The following LHFPL3 variants were observed in gnomAD, a reference collection of about 807,000 sequenced individuals.
LHFPL3 encodes LHFPL tetraspan subfamily member 3 protein.
LHFPL3 carries 5 observed loss-of-function variants against 19.3 expected under a neutral mutation model. That is an observed-to-expected ratio of 0.26 (90% CI 0.14 to 0.54). The LOEUF (loss-of-function observed/expected upper bound fraction) is 0.54, where lower values mean the gene tolerates loss of function less well. Among genes scored for constraint, LHFPL3 ranks in the 20% least tolerant of loss-of-function variants. The probability of loss-of-function intolerance (pLI) is 0.94; values close to 1 mark genes in which losing one functional copy is unlikely to be tolerated. For missense variants in LHFPL3, 249 were observed against 307.4 expected, an observed-to-expected ratio of 0.81 and a Z score of 1.42; for synonymous variants, 133 against 126.2, an observed-to-expected ratio of 1.05 and a Z score of -0.36.
At chr7:104,623,177 G>A (rs10242238) in intron 1 of LHFPL3, among the ~76,000 whole-genome samples, 6,706 of 151,776 alleles carry the variant, frequency 0.044, 169 homozygotes, top group African/African-American at 0.063. Flanking sequence ...TTTGATATCC[G>A]ATTTGCAAGT....
At chr7:104,476,971 A>G (rs1313399467) in intron 1 of LHFPL3, among the ~76,000 whole-genome samples, 4 of 152,034 alleles carry the variant, frequency 2.6e-5, no homozygotes, top group Non-Finnish European at 5.9e-5. Context: ...GCCAATCTCC[A>G]TAGGACAAAA....
chr7:104,853,065 T>C (rs1161156872), intron 2 of LHFPL3, among the ~76,000 whole-genome samples: 1 of 152,210 alleles, frequency 6.6e-6, no homozygotes, highest in Non-Finnish European at 1.5e-5. Flanking sequence ...GGCATAGCAG[T>C]GTCTGTCCCT....
chr7:104,620,753 GT>G (rs1280649035), intron 1 of LHFPL3, among the ~76,000 whole-genome samples: 1 of 152,186 alleles, frequency 6.6e-6, no homozygotes, highest in Non-Finnish European at 1.5e-5. Flanking sequence ...TCATTCCTGT[GT>G]GTCGGAGTAC....
At chr7:104,574,973 C>T (rs1437733804) in intron 1 of LHFPL3, among the ~76,000 whole-genome samples, 4 of 152,126 alleles carry the variant, frequency 2.6e-5, no homozygotes, top group Admixed American at 6.5e-5. Context: ...AAATATAATC[C>T]ATGAGAGTTT....
chr7:104,831,967 C>G (rs1331559017), intron 2 of LHFPL3, among the ~76,000 whole-genome samples: 1 of 151,962 alleles, frequency 6.6e-6, no homozygotes, highest in Non-Finnish European at 1.5e-5. Flanking sequence ...CATTCAGTAG[C>G]CACTTTCCCT....
chr7:104,755,708 G>A (rs565652432), intron 2 of LHFPL3, among the ~76,000 whole-genome samples: 1 of 152,024 alleles, frequency 6.6e-6, no homozygotes, highest in Admixed American at 6.6e-5. Context: ...TTGTTTGTTT[G>A]TTTTGAGATG....
chr7:104,872,076 T>A (rs1247103019), intron 2 of LHFPL3, among the ~76,000 whole-genome samples: 2 of 151,686 alleles, frequency 1.3e-5, no homozygotes, highest in African/African-American at 4.8e-5. Context: ...CAGTGGCTCA[T>A]GCTTGTAATC....
chr7:104,736,507 CCACA>C (rs57904267), intron 1 of LHFPL3, among the ~76,000 whole-genome samples, 164 bp from the exon 2 acceptor site: 5 of 150,638 alleles, frequency 3.3e-5, no homozygotes, highest in African/African-American at 9.8e-5. Context: ...GTTTGCATGC[CCACA>C]CACACACACA....
chr7:104,639,931 A>T (rs1276215873), intron 1 of LHFPL3, among the ~76,000 whole-genome samples: 2 of 152,172 alleles, frequency 1.3e-5, no homozygotes, highest in African/African-American at 4.8e-5. Flanking sequence ...GGTGTTGGGA[A>T]AATAAAGTCT....
intron 2 of LHFPL3, among the ~76,000 whole-genome samples, chr7:104,752,109 C>T (rs1385518547): frequency 6.6e-6 from 1 of 152,294 alleles, no homozygotes; most frequent in East Asian, 1.9e-4. Flanking sequence ...TGTAATGTTA[C>T]AGGCACCTGA....
At chr7:104,489,662 T>C (rs1793302701) in intron 1 of LHFPL3, among the ~76,000 whole-genome samples, 1 of 151,764 alleles carries the variant, frequency 6.6e-6, no homozygotes, top group Non-Finnish European at 1.5e-5. Context: ...AGTCTGAAGG[T>C]GGGAATGAAC....
At chr7:104,519,948 G>C (rs1332298981) in intron 1 of LHFPL3, among the ~76,000 whole-genome samples, 1 of 152,052 alleles carries the variant, frequency 6.6e-6, no homozygotes, top group Non-Finnish European at 1.5e-5. Flanking sequence ...CATTGTCAAA[G>C]TCTTGGTGAA....
At chr7:104,852,676 C>T (rs1316183462) in intron 2 of LHFPL3, among the ~76,000 whole-genome samples, 1 of 152,270 alleles carries the variant, frequency 6.6e-6, no homozygotes, top group Non-Finnish European at 1.5e-5. Context: ...CTCACAAGGG[C>T]TCCCATGCTT....
At chr7:104,727,420 A>T (rs1433054894) in intron 1 of LHFPL3, among the ~76,000 whole-genome samples, 1 of 152,116 alleles carries the variant, frequency 6.6e-6, no homozygotes, top group African/African-American at 2.4e-5. Context: ...CCTGAATGGT[A>T]TTGCCTAGAT....
intron 2 of LHFPL3, among the ~76,000 whole-genome samples, chr7:104,778,087 G>C (rs767583448): frequency 6.6e-6 from 1 of 152,198 alleles, no homozygotes; most frequent in Non-Finnish European, 1.5e-5. Flanking sequence ...AGAAGAAGTA[G>C]ACCCAGGTCC....
At chr7:104,766,615 G>A (rs1412275175) in intron 2 of LHFPL3, among the ~76,000 whole-genome samples, 1 of 152,276 alleles carries the variant, frequency 6.6e-6, no homozygotes, top group African/African-American at 2.4e-5. Context: ...GGAAGCCCCT[G>A]AAAAAGAACC....
In LHFPL3 at chr7:104,806,766, A is replaced by C. The variant is rs985674546; in HGVS notation, c.682+69855A>C. 3.3e-5 allele frequency among the ~76,000 whole-genome samples: 5 copies of C among 152,316 alleles called. No homozygotes were observed. In the South Asian group the frequency reaches 6.2e-4, roughly 19 times the overall value. ...CAAGCCCCTGTGAGGCTGGGTCATG[A>C]AATGATCAAAGGGAACCCAACAAAG... is the stretch of plus-strand genomic sequence containing the variant. On this transcript the variant is annotated intron_variant, in intron 2 of 2. Transcript: ENST00000424859.
At position 104,645,401 on chromosome 7, in the gene LHFPL3, C is replaced by T. The variant is rs115358332; in HGVS notation, c.446-91274C>T. On this transcript the variant is annotated intron_variant, in intron 1 of 2. Coordinates refer to ENST00000424859, the MANE Select transcript of LHFPL3 (RefSeq NM_199000.3). The stretch of plus-strand genomic sequence containing the variant: ...AAGTGCATTAGAAACAAAACTTGGA[C>T]GAGGATGGATGGTGTGCATATAATC... 7.2e-3 allele frequency among the ~76,000 whole-genome samples: 1,098 copies of T among 152,174 alleles called. 17 individuals are homozygous for T. Among genetic ancestry groups the T allele is most frequent in the African/African-American group, 0.025 (1,036 of 41,504 alleles).
rs867108846 is a variant in LHFPL3, at chr7:104,867,504, T to C, written c.683-38683T>C. 1.7e-3 allele frequency among the ~76,000 whole-genome samples: 265 copies of C among 152,236 alleles called. 2 individuals carry two copies. The highest frequency in any genetic ancestry group is 6.1e-3 in the African/African-American group (253 of 41,550). On this transcript the variant is annotated intron_variant, in intron 2 of 2. Transcript: ENST00000424859. ...AGAAATGGATAAATTCCTGGACACA[T>C]ACACCCTGCCAAGACTAAACCAGGA...
Sources: allele counts gnomAD v4.1 joint callset (sites outside exome capture counted in the v4.1 genomes callset), GRCh38; gene constraint gnomAD v4.1.1; transcripts MANE v1.5; gene names NCBI Gene and HGNC (gene_info 2026-07-23, HGNC 2026-07-21).